Variants in CDC42SE2 observed in about 807,000 individuals in gnomAD.
CDC42SE2 encodes CDC42 small effector 2.
In CDC42SE2, 3 loss-of-function variants were observed where a neutral mutation model predicts 11.5. The observed-to-expected ratio is 0.26, with a 90% CI of 0.12 to 0.67. CDC42SE2 has a LOEUF of 0.67. CDC42SE2 is among the 30% of genes least tolerant of loss of function. The pLI is 0.80. For missense variants in CDC42SE2, 82 were observed against 106.8 expected, an observed-to-expected ratio of 0.77 and a Z score of 1.02; for synonymous variants, 33 against 34.8, an observed-to-expected ratio of 0.95 and a Z score of 0.18.
At chr5:131,260,398 G>A (rs557755839), upstream of CDC42SE2, among the ~76,000 whole-genome samples, 6 of 152,280 alleles carry the variant, frequency 3.9e-5, no homozygotes, top group East Asian at 1.9e-4. Flanking sequence ...TGGGGCGGGC[G>A]GATCACCTGA....
Position 131,325,439 on chromosome 5 carries a change from A to G in CDC42SE2, c.-286+9295A>G, listed in dbSNP as rs149168112. Among the ~76,000 whole-genome samples, 253 of 151,638 alleles carry G rather than the reference A, an allele frequency of 1.7e-3. 1 individual carries two copies. In the East Asian group the frequency reaches 0.017, roughly 10 times the overall value. Reference sequence around the variant, plus strand: ...CCAGCTTCCCCTTTGTGGATTTTAAAATTTGCGTCCTTTTCCCATTTATCT... The same window carrying G: ...CCAGCTTCCCCTTTGTGGATTTTAAGATTTGCGTCCTTTTCCCATTTATCT... On this transcript the variant is annotated intron_variant, in intron 2 of 4. Coordinates refer to ENST00000505065, the MANE Select transcript of CDC42SE2 (RefSeq NM_001375635.1).
chr5:131,337,062 G>A (rs1018587196), intron 2 of CDC42SE2, among the ~76,000 whole-genome samples: 41 of 151,998 alleles, frequency 2.7e-4, no homozygotes, highest in Non-Finnish European at 5.0e-4. Flanking sequence ...TAGCGTTTCC[G>A]GTTTTTCTGC....
the CDC42SE2 span, among the ~76,000 whole-genome samples, chr5:131,220,092 T>G: frequency 6.6e-6 from 1 of 152,192 alleles, no homozygotes; most frequent in Non-Finnish European, 1.5e-5. Flanking sequence ...AACACTGAAT[T>G]TTTATACATG....
At chr5:131,296,834 T>A (rs1470966725) in intron 1 of CDC42SE2, among the ~76,000 whole-genome samples, 1 of 152,202 alleles carries the variant, frequency 6.6e-6, no homozygotes, top group Non-Finnish European at 1.5e-5. Context: ...AAATGTGTTT[T>A]GTAAAGTTGT....
chr5:131,271,293 C>T (rs925852454), intron 1 of CDC42SE2, among the ~76,000 whole-genome samples: 1 of 152,128 alleles, frequency 6.6e-6, no homozygotes, highest in South Asian at 2.1e-4. Flanking sequence ...GTCTCAGCAT[C>T]CTGTCTTTCC....
chr5:131,311,752 G>T (rs1757920027), intron 1 of CDC42SE2, among the ~76,000 whole-genome samples: 1 of 152,096 alleles, frequency 6.6e-6, no homozygotes, highest in Non-Finnish European at 1.5e-5. Flanking sequence ...TGAGGCTTCT[G>T]CATTCTTCCC....
intron 2 of CDC42SE2, among the ~76,000 whole-genome samples, chr5:131,333,031 G>C (rs2149743195): frequency 6.6e-6 from 1 of 152,308 alleles, no homozygotes; most frequent in Admixed American, 6.5e-5. Flanking sequence ...TTTTAGACAT[G>C]AAGTCCTTGC....
At chr5:131,230,534 G>T in the CDC42SE2 span, among the ~76,000 whole-genome samples, 2 of 152,200 alleles carry the variant, frequency 1.3e-5, no homozygotes, top group South Asian at 2.1e-4. Flanking sequence ...TGCTGCTAGA[G>T]GCTGCTGCAG....
At chr5:131,311,240 T>G (rs1001755174) in intron 1 of CDC42SE2, among the ~76,000 whole-genome samples, 1 of 151,032 alleles carries the variant, frequency 6.6e-6, no homozygotes, top group South Asian at 2.1e-4. Flanking sequence ...GGGTTGAAAA[T>G]TCTTTTCTTT....
the CDC42SE2 span, among the ~76,000 whole-genome samples, chr5:131,234,958 G>T: frequency 2.7e-5 from 4 of 146,460 alleles, no homozygotes; most frequent in East Asian, 8.1e-4. Flanking sequence ...GCACGATCTC[G>T]ACTCACTGCA....
chr5:131,268,051 ATTC>A, intron 1 of CDC42SE2, among the ~76,000 whole-genome samples: 1 of 78,088 alleles, frequency 1.3e-5, no homozygotes, highest in East Asian at 4.1e-4. Flanking sequence ...GTACATGCTT[ATTC>A]TTTTTTTTTT....
intron 3 of CDC42SE2, among the ~76,000 whole-genome samples, chr5:131,363,326 CCA>C (rs780934872): frequency 2.7e-5 from 4 of 150,458 alleles, no homozygotes; most frequent in Non-Finnish European, 5.9e-5. Flanking sequence ...TAATGGTTTC[CCA>C]CATAGCACTG....
At chr5:131,258,418 T>A (rs767116142) in intron 2 of CDC42SE2, among the ~76,000 whole-genome samples, 4 of 151,968 alleles carry the variant, frequency 2.6e-5, no homozygotes, top group Non-Finnish European at 5.9e-5. Context: ...GAAAAAGGAG[T>A]TCTTGGTTAC....
At chr5:131,321,160 C>T (rs1412444752) in intron 2 of CDC42SE2, among the ~76,000 whole-genome samples, 1 of 152,170 alleles carries the variant, frequency 6.6e-6, no homozygotes, top group African/African-American at 2.4e-5. Context: ...ATCAGTTTCA[C>T]TTCTTGGAAT....
intron 2 of CDC42SE2, among the ~76,000 whole-genome samples, chr5:131,333,889 T>C (rs1030663468): frequency 3.9e-5 from 6 of 152,326 alleles, no homozygotes; most frequent in Middle Eastern, 3.4e-3. Context: ...TTTCTAGATA[T>C]ACAATCATGT....
At chr5:131,346,388 G>C (rs1758845254) in intron 2 of CDC42SE2, among the ~76,000 whole-genome samples, 1 of 152,130 alleles carries the variant, frequency 6.6e-6, no homozygotes. Context: ...AACCAACAAA[G>C]ATCAAAAGAG....
At chr5:131,238,277 C>G in the CDC42SE2 span, among the ~76,000 whole-genome samples, 1 of 151,918 alleles carries the variant, frequency 6.6e-6, no homozygotes, top group Non-Finnish European at 1.5e-5. Flanking sequence ...GCGGATGGAT[C>G]GCGAGGTCAG....
chr5:131,311,796 G>C (rs371744564), intron 1 of CDC42SE2, among the ~76,000 whole-genome samples: 1 of 152,110 alleles, frequency 6.6e-6, no homozygotes, highest in Non-Finnish European at 1.5e-5. Flanking sequence ...AGCTCCATCA[G>C]CTCCTTTAAG....
At chr5:131,220,320 C>T in the CDC42SE2 span, among the ~76,000 whole-genome samples, 1 of 152,138 alleles carries the variant, frequency 6.6e-6, no homozygotes, top group Non-Finnish European at 1.5e-5. Flanking sequence ...ATTCTCCTGC[C>T]TCAGCCTCCC....
Sources: gnomAD v4.1 joint callset for allele counts (sites outside exome capture counted in the v4.1 genomes callset) on GRCh38, gnomAD v4.1.1 for gene constraint, MANE v1.5 for transcripts, NCBI Gene and HGNC (gene_info 2026-07-23, HGNC 2026-07-21) for gene names.